ASAP1: variants seen among roughly 807,000 people sequenced by gnomAD.
ASAP1 encodes the protein arf-GAP with SH3 domain, ANK repeat and PH domain-containing protein 1.
A neutral mutation model predicts 145.2 loss-of-function variants in ASAP1; 43 were observed. The observed-to-expected ratio is 0.30, with a 90% CI of 0.23 to 0.38. The LOEUF (loss-of-function observed/expected upper bound fraction) is 0.38, where lower values mean the gene tolerates loss of function less well. Among genes scored for constraint, ASAP1 ranks in the 10% least tolerant of loss-of-function variants. The pLI is 1.00. For synonymous variants in ASAP1, 546 were observed against 515.5 expected, an observed-to-expected ratio of 1.06 and a Z score of -0.80; for missense variants, 1,018 against 1,355.3, an observed-to-expected ratio of 0.75 and a Z score of 3.91.
chr8:130,167,471 C>T, intron 11 of ASAP1, 65 bp downstream of exon 11: 1 of 1,290,192 alleles, frequency 7.8e-7, no homozygotes, highest in Non-Finnish European at 1.1e-6. Context: ...TCAGGAAACA[C>T]AAAGGGTATT....
intron 13 of ASAP1, among the ~76,000 whole-genome samples, chr8:130,151,843 G>A (rs1399266339): frequency 5.3e-5 from 8 of 152,318 alleles, no homozygotes; most frequent in African/African-American, 1.7e-4. Context: ...GAGAGAGAAA[G>A]GCCACAAGGA....
At chr8:130,407,827 G>A (rs996032695) in intron 1 of ASAP1, among the ~76,000 whole-genome samples, 1 of 152,266 alleles carries the variant, frequency 6.6e-6, no homozygotes, top group Middle Eastern at 3.4e-3. Flanking sequence ...GTGACTCCAC[G>A]AATGTTGGGA....
At position 130,220,643 on chromosome 8, in the gene ASAP1, C is replaced by T. The variant is rs150614721; in HGVS notation, c.260-5942G>A. Among the ~76,000 whole-genome samples, 1,045 of 152,180 alleles carry T rather than the reference C, an allele frequency of 6.9e-3. 12 individuals carry two copies. The highest frequency in any genetic ancestry group is 0.024 in the African/African-American group (1,006 of 41,518). ...CTTGAGCCTAGGAGTTTGAGACCAGCGTGGGCAACATGGTAAAACCCCACT... is the reference window on the plus strand; with the variant it reads ...CTTGAGCCTAGGAGTTTGAGACCAGTGTGGGCAACATGGTAAAACCCCACT... On this transcript the variant is annotated intron_variant, in intron 4 of 29. Transcript: ENST00000518721.
chr8:130,073,041 T>C (rs549571074), intron 27 of ASAP1, among the ~76,000 whole-genome samples: 11 of 151,798 alleles, frequency 7.2e-5, no homozygotes, highest in Non-Finnish European at 1.3e-4. Flanking sequence ...GTTAGAGAAT[T>C]ATCCCCCACA....
chr8:130,212,260 C>T (rs76047412), intron 5 of ASAP1, among the ~76,000 whole-genome samples: 2,975 of 152,278 alleles, frequency 0.02, 45 homozygotes, highest in East Asian at 0.052. Context: ...AATGCCACCA[C>T]CACTTTCAAA....
intron 5 of ASAP1, among the ~76,000 whole-genome samples, chr8:130,189,789 C>T (rs1312500008): frequency 1.3e-5 from 2 of 152,162 alleles, no homozygotes; most frequent in African/African-American, 4.8e-5. Context: ...TATGAGAGTT[C>T]CCCTTTCTCT....
chr8:130,209,550 TAA>T (rs145484434), intron 5 of ASAP1, among the ~76,000 whole-genome samples: 69 of 138,616 alleles, frequency 5.0e-4, no homozygotes, highest in Non-Finnish European at 4.2e-4. Context: ...GCTCTTACAG[TAA>T]AAAAAAAAAA....
intron 24 of ASAP1, among the ~76,000 whole-genome samples, chr8:130,110,126 T>G (rs967066500): frequency 6.6e-6 from 1 of 152,208 alleles, no homozygotes; most frequent in African/African-American, 2.4e-5. Context: ...ACATGAGAGA[T>G]ATGCCTGGCA....
intron 4 of ASAP1, among the ~76,000 whole-genome samples, chr8:130,225,571 G>C (rs888609233): frequency 1.3e-5 from 2 of 151,930 alleles, no homozygotes; most frequent in African/African-American, 4.8e-5. Context: ...ATTTCAGATG[G>C]CCTATAGAAG....
In ASAP1 at chr8:130,358,263, G is replaced by T; in HGVS notation, c.60-120C>A. 2.7e-6 allele frequency: 2 copies of T among 730,160 alleles called. No homozygotes were observed. Among genetic ancestry groups the T allele is most frequent in the Non-Finnish European group, 3.5e-6 (2 of 572,942 alleles). 45.2% of individuals were successfully genotyped at this position (730,160 alleles called of 1,614,324 possible). A position where few individuals can be genotyped will look rare whatever the true frequency, so the allele number is the denominator to read the frequency against. The stretch of plus-strand genomic sequence containing the variant: ...CGCGCAGCCCGCCACCCGCCGCCCG[G>T]CCTGGCGCGCGGCTCCCGTCCCCGG... On this transcript the variant is annotated intron_variant, in intron 2 of 29. Coordinates refer to ENST00000518721, the MANE Select transcript of ASAP1 (RefSeq NM_018482.4). This position sits in a 1 kb window ranked among gnomAD's most constrained non-coding sequence, Gnocchi z 4.1.
At chr8:130,313,509 TG>T (rs1823481123) in intron 3 of ASAP1, among the ~76,000 whole-genome samples, 1 of 152,198 alleles carries the variant, frequency 6.6e-6, no homozygotes, top group Admixed American at 6.5e-5. Context: ...TAGGGTTATC[TG>T]CCGAGTAACA....
intron 3 of ASAP1, among the ~76,000 whole-genome samples, chr8:130,325,128 G>A (rs1013915711): frequency 6.6e-6 from 1 of 152,224 alleles, no homozygotes; most frequent in Non-Finnish European, 1.5e-5. Context: ...AATAGCAGCA[G>A]TAATAATTAA....
At chr8:130,264,103 C>T (rs1037011120) in intron 3 of ASAP1, among the ~76,000 whole-genome samples, 1 of 152,160 alleles carries the variant, frequency 6.6e-6, no homozygotes, top group African/African-American at 2.4e-5. Context: ...CAGAGAGACA[C>T]AACACACATG....
chr8:130,222,182 A>G (rs1246540662), intron 4 of ASAP1, among the ~76,000 whole-genome samples: 1 of 152,226 alleles, frequency 6.6e-6, no homozygotes, highest in Non-Finnish European at 1.5e-5. Context: ...TATTCATCCA[A>G]TGAGGCCTTC....
chr8:130,209,472 C>G (rs555272278), intron 5 of ASAP1, among the ~76,000 whole-genome samples: 8 of 151,214 alleles, frequency 5.3e-5, no homozygotes, highest in African/African-American at 1.7e-4. Flanking sequence ...GTGAGTAAAA[C>G]AGCTGTTGTC....
intron 29 of ASAP1, among the ~76,000 whole-genome samples, chr8:130,056,206 T>C (rs1002732794): frequency 4.6e-5 from 7 of 152,250 alleles, no homozygotes; most frequent in Non-Finnish European, 1.0e-4. Flanking sequence ...AGAAGGGACA[T>C]GCTTTATCCA....
chr8:130,220,251 T>G (rs1190008997), intron 4 of ASAP1, among the ~76,000 whole-genome samples: 4 of 152,222 alleles, frequency 2.6e-5, no homozygotes, highest in Non-Finnish European at 4.4e-5. Context: ...TAATATAAAC[T>G]AATCACTGAT....
intron 18 of ASAP1, 69 bp from the exon 19 acceptor site, chr8:130,118,744 A>G (rs1245319456): frequency 1.7e-6 from 2 of 1,152,090 alleles, no homozygotes; most frequent in Non-Finnish European, 2.3e-6. Context: ...TTTCTGACAA[A>G]CATTTCTCTT....
chr8:130,419,140 C>A (rs1298747244), intron 1 of ASAP1, among the ~76,000 whole-genome samples: 4 of 152,138 alleles, frequency 2.6e-5, no homozygotes, highest in Non-Finnish European at 5.9e-5. Flanking sequence ...CAGAAAAAAA[C>A]CGAGGCTTCA....
Sources: gnomAD v4.1 joint callset for allele counts (sites outside exome capture counted in the v4.1 genomes callset) on GRCh38, gnomAD v4.1.1 for gene constraint, Gnocchi (gnomAD v3.1) non-coding constraint, MANE v1.5 for transcripts, NCBI Gene and HGNC (gene_info 2026-07-23, HGNC 2026-07-21) for gene names.